Variants in CCDC18 observed in about 807,000 individuals in gnomAD.
CCDC18 encodes coiled-coil domain containing 18, also known as coiled-coil domain-containing protein 18.
Under a neutral mutation model 196.0 loss-of-function variants are expected in CCDC18, and 157 were observed. The ratio of observed to expected loss-of-function variants is 0.80; its 90% confidence interval spans 0.70 to 0.91. The LOEUF is 0.91. Among genes scored for constraint, CCDC18 ranks in the 40% least tolerant of loss-of-function variants. The pLI, the probability that CCDC18 is intolerant of heterozygous loss-of-function variation, is 0.00. For synonymous variants in CCDC18, 482 were observed against 529.2 expected (o/e 0.91, Z 1.22); for missense variants, 1,465 against 1,611.6 (o/e 0.91, Z 1.56).
At chr1:93,226,514 T>G (rs1172347062) in intron 17 of CCDC18, 65 bp downstream of exon 17, 3 of 605,500 alleles carry the variant, frequency 5.0e-6, no homozygotes, top group Non-Finnish European at 8.6e-6. Context: ...AAGCATGAGA[T>G]GTAGGACAAA....
At chr1:93,261,745 T>G (rs758922385) in intron 26 of CCDC18, among the ~76,000 whole-genome samples, 7 of 152,072 alleles carry the variant, frequency 4.6e-5, no homozygotes, top group Non-Finnish European at 1.0e-4. Flanking sequence ...CACATATTAT[T>G]TGAAGCAAAT....
intron 7 of CCDC18, among the ~76,000 whole-genome samples, chr1:93,204,114 C>T (rs954953774): frequency 5.3e-5 from 8 of 152,052 alleles, no homozygotes; most frequent in Admixed American, 1.3e-4. Context: ...TGTGGTAAAG[C>T]ACCTAAGGGT....
chr1:93,241,154 C>A (rs1570526742), intron 21 of CCDC18, among the ~76,000 whole-genome samples: 1 of 151,922 alleles, frequency 6.6e-6, no homozygotes, highest in South Asian at 2.1e-4. Flanking sequence ...GGGGTTTCAC[C>A]ACGTTGGCCA....
intron 16 of CCDC18, among the ~76,000 whole-genome samples, chr1:93,225,643 G>C (rs1658148868): frequency 6.6e-6 from 1 of 151,968 alleles, no homozygotes; most frequent in South Asian, 2.1e-4. Flanking sequence ...AAGACATGGT[G>C]GTGCATACCT....
chr1:93,248,798 C>T (rs1661838349), intron 23 of CCDC18, among the ~76,000 whole-genome samples: 1 of 151,928 alleles, frequency 6.6e-6, no homozygotes, highest in Non-Finnish European at 1.5e-5. Context: ...CCTGGAGAAA[C>T]CCCATCTCTA....
chr1:93,267,303 G>A (rs1664658991), intron 27 of CCDC18, among the ~76,000 whole-genome samples: 1 of 152,062 alleles, frequency 6.6e-6, no homozygotes, highest in Non-Finnish European at 1.5e-5. Flanking sequence ...AAAATAATAA[G>A]AGCTATTTAT....
intron 3 of CCDC18, among the ~76,000 whole-genome samples, chr1:93,185,960 G>C (rs1650599860): frequency 6.6e-6 from 1 of 151,734 alleles, no homozygotes; most frequent in African/African-American, 2.4e-5. Context: ...GTGGACATTT[G>C]GGTTCTTCCT....
At chr1:93,264,422 G>T (rs900213252) in intron 26 of CCDC18, among the ~76,000 whole-genome samples, 27 of 152,042 alleles carry the variant, frequency 1.8e-4, no homozygotes, top group African/African-American at 6.3e-4. Context: ...TTCCCCAATT[G>T]TCTCAAAAAT....
At position 93,256,472 on chromosome 1, in the gene CCDC18, A is replaced by T. The variant is rs759722741; in HGVS notation, c.3480A>T (p.Gln1160His). 33 of 1,613,990 alleles carry T rather than the reference A, an allele frequency of 2.0e-5. No individual in the cohort carries two copies. The highest frequency in any genetic ancestry group is 2.7e-5 in the Non-Finnish European group (32 of 1,180,000). Reference sequence around the variant, plus strand: ...CAGAGGCTCGTCATCAGCAAGTCCAAGCACAGAGAGAAATAGAAAGGCTCT... The same window carrying T: ...CAGAGGCTCGTCATCAGCAAGTCCATGCACAGAGAGAAATAGAAAGGCTCT... Reference protein sequence around the residue: ...ELAEARHQQVQAQREIERLSS... With the variant: ...ELAEARHQQVHAQREIERLSS... Residue 1160 changes from glutamine (Q) to histidine (H), a missense_variant, in exon 25 of 29, where the codon CAA becomes CAT. Transcript: ENST00000690025.
chr1:93,256,499 T>C lies in CCDC18; in HGVS notation c.3507T>C (p.Ser1169=). The change falls in exon 25 of 29, where the codon TCT becomes TCC. Residue 1169 remains serine (S), a synonymous_variant. Coordinates refer to ENST00000690025, the MANE Select transcript of CCDC18 (RefSeq NM_001378204.1). ...CACAGAGAGAAATAGAAAGGCTCTC[T>C]AGTGAACTGGAGGATATGAAGCAAC... ...VQAQREIERL[S]SELEDMKQLS... is the part of the protein sequence containing the mutation. 6.2e-7 allele frequency: 1 copy of C among 1,614,030 alleles called. No individual in the cohort carries two copies. The highest frequency in any genetic ancestry group is 8.5e-7 in the Non-Finnish European group (1 of 1,179,928).
intron 6 of CCDC18, among the ~76,000 whole-genome samples, chr1:93,198,957 T>G (rs1653291113): frequency 6.6e-6 from 1 of 152,244 alleles, no homozygotes; most frequent in Non-Finnish European, 1.5e-5. Flanking sequence ...TTAATGCATG[T>G]TTTAAAATGT....
At chr1:93,184,174 A>G in intron 3 of CCDC18, 28 bp downstream of exon 3, 1 of 1,340,810 alleles carries the variant, frequency 7.5e-7, no homozygotes. Flanking sequence ...TATCTAGTTA[A>G]AAGAAGTTTT....
At position 93,218,783 on chromosome 1, in the gene CCDC18, C is replaced by T. The variant is rs938797420; in HGVS notation, c.1962+914C>T. ...TCAGCCTCCCAATGTGCCTGGCTCA[C>T]GCAGAGGTGTGAGCCACTGCGCCCA... On this transcript the variant is annotated intron_variant, in intron 14 of 28. Coordinates refer to ENST00000690025, the MANE Select transcript of CCDC18 (RefSeq NM_001378204.1). Among the ~76,000 whole-genome samples the T allele has an allele frequency of 3.3e-5, 5 of 151,854 alleles. No individual in the cohort carries two copies. The East Asian group carries it at 5.8e-4, about 18-fold the overall frequency.
At chr1:93,221,967 T>C (rs1464982440) in intron 16 of CCDC18, 31 bp downstream of exon 16, 1 of 1,414,748 alleles carries the variant, frequency 7.1e-7, no homozygotes, top group Non-Finnish European at 9.6e-7. Context: ...TTTTTCTTTC[T>C]TTCCTTTTTT....
At chr1:93,273,323 C>T (rs1665452472) in intron 28 of CCDC18, among the ~76,000 whole-genome samples, 1 of 152,188 alleles carries the variant, frequency 6.6e-6, no homozygotes, top group African/African-American at 2.4e-5. Context: ...CTGCCTCTGC[C>T]TCCCAAAGTG....
At chr1:93,276,899 G>A (rs1302545530) in intron 28 of CCDC18, among the ~76,000 whole-genome samples, 1 of 145,420 alleles carries the variant, frequency 6.9e-6, no homozygotes, top group Non-Finnish European at 1.5e-5. Flanking sequence ...GGGACCCGGG[G>A]AACCAGGGTT....
intron 27 of CCDC18, 123 bp from the exon 28 acceptor site, chr1:93,270,224 A>G: frequency 1.5e-6 from 1 of 648,306 alleles, no homozygotes; most frequent in Non-Finnish European, 2.7e-6. Context: ...ACTCTCAAGA[A>G]TTATAAACAG....
At chr1:93,213,321 G>C (rs1286938506) in intron 11 of CCDC18, among the ~76,000 whole-genome samples, 1 of 151,468 alleles carries the variant, frequency 6.6e-6, no homozygotes, top group African/African-American at 2.4e-5. Context: ...TTTAACTCTT[G>C]TTACCATCAC....
At chr1:93,183,855 A>T (rs534084947) in intron 2 of CCDC18, 123 bp from the exon 3 acceptor site, 49 of 526,708 alleles carry the variant, frequency 9.3e-5, no homozygotes, top group Non-Finnish European at 1.4e-4. Context: ...ACATTGCCTT[A>T]TGTTCATAAC....
Sources: gnomAD v4.1 joint callset for allele counts (sites outside exome capture counted in the v4.1 genomes callset) on GRCh38, gnomAD v4.1.1 for gene constraint, MANE v1.5 for transcripts, NCBI Gene and HGNC (gene_info 2026-07-23, HGNC 2026-07-21) for gene names.